Variants in EVI5 observed in about 807,000 individuals in gnomAD.
The protein encoded by EVI5 is ecotropic viral integration site 5.
Under a neutral mutation model 112.0 loss-of-function variants are expected in EVI5, and 73 were observed. The observed-to-expected ratio is 0.65, with a 90% CI of 0.54 to 0.79. The LOEUF is 0.79. EVI5 is among the 30% of genes least tolerant of loss of function. The pLI is 0.00. For missense variants in EVI5, 900 were observed against 968.8 expected, an observed-to-expected ratio of 0.93 and a Z score of 0.94; for synonymous variants, 305 against 319.9, an observed-to-expected ratio of 0.95 and a Z score of 0.50.
At chr1:92,539,790 TCAC>T (rs1664515728) in intron 19 of EVI5, among the ~76,000 whole-genome samples, 2 of 152,208 alleles carry the variant, frequency 1.3e-5, no homozygotes, top group Admixed American at 6.5e-5. Flanking sequence ...TGTGCAACCA[TCAC>T]CACAACCAAT....
intron 19 of EVI5, among the ~76,000 whole-genome samples, chr1:92,517,747 C>G (rs1660152290): frequency 1.3e-5 from 2 of 152,104 alleles, no homozygotes; most frequent in Admixed American, 1.3e-4. Context: ...TGATGCACAT[C>G]TCAGAATAGG....
chr1:92,542,897 A>C (rs1306341394), intron 19 of EVI5, among the ~76,000 whole-genome samples: 1 of 152,148 alleles, frequency 6.6e-6, no homozygotes, highest in African/African-American at 2.4e-5. Context: ...AGTGGGCTTA[A>C]AATATTTATT....
intron 2 of EVI5, among the ~76,000 whole-genome samples, chr1:92,710,108 C>T (rs1161959154): frequency 4.0e-5 from 1 of 25,138 alleles, no homozygotes; most frequent in Non-Finnish European, 8.5e-5. Flanking sequence ...AAAGGGAGGC[C>T]GAGGCAGGTG....
chr1:92,611,864 G>C (rs1651903182), intron 16 of EVI5, among the ~76,000 whole-genome samples: 1 of 151,698 alleles, frequency 6.6e-6, no homozygotes, highest in African/African-American at 2.4e-5. Flanking sequence ...AGATACGATG[G>C]AGCCTATGAA....
intron 1 of EVI5, among the ~76,000 whole-genome samples, chr1:92,748,134 A>C (rs542052457): frequency 6.6e-6 from 1 of 152,286 alleles, no homozygotes; most frequent in Non-Finnish European, 1.5e-5. Flanking sequence ...AGAGTGGTGA[A>C]GTCCACATCC....
chr1:92,610,833 T>C (rs531648978), intron 16 of EVI5, among the ~76,000 whole-genome samples: 1 of 150,938 alleles, frequency 6.6e-6, no homozygotes, highest in Non-Finnish European at 1.5e-5. Context: ...ATGGTAACAG[T>C]TGAGAATTTT....
chr1:92,760,818 A>G (rs1681720193), intron 1 of EVI5, among the ~76,000 whole-genome samples: 1 of 151,534 alleles, frequency 6.6e-6, no homozygotes, highest in African/African-American at 2.4e-5. Context: ...GCACTTTGGG[A>G]GGCCGAGGCG....
chr1:92,555,151 A>G (rs1667490133), intron 19 of EVI5, among the ~76,000 whole-genome samples: 1 of 152,144 alleles, frequency 6.6e-6, no homozygotes, highest in South Asian at 2.1e-4. Context: ...TAAAAACCCT[A>G]TTTACTTGGT....
chr1:92,677,872 A>G (rs192026873), intron 9 of EVI5, among the ~76,000 whole-genome samples: 1 of 152,314 alleles, frequency 6.6e-6, no homozygotes, highest in East Asian at 1.9e-4. Context: ...CTAACTGATT[A>G]AGGTTAACAT....
intron 13 of EVI5, chr1:92,647,738 C>T (rs2102014710): frequency 5.4e-6 from 1 of 184,772 alleles, no homozygotes; most frequent in South Asian, 1.3e-4. Flanking sequence ...AGGTCAATAA[C>T]ATTTTTTGAG....
At chr1:92,537,956 C>A (rs1051163464) in intron 19 of EVI5, among the ~76,000 whole-genome samples, 1 of 151,822 alleles carries the variant, frequency 6.6e-6, no homozygotes, top group East Asian at 1.9e-4. Flanking sequence ...TTAAAGCTGA[C>A]GTTTTTAGAA....
In EVI5 at chr1:92,695,382, C is replaced by T. The variant is rs764626545; in HGVS notation, c.837G>A (p.Trp279Ter). Reference protein sequence around the residue: ...SFHTSMYASSWFLTIFLTTFP... With the variant: ...SFHTSMYASS ...AAGTTGTAAGAAAGATAGTCAGAAA[C>T]CAGGATGATGCATACATTGAGGTAT... Residue 279 changes from tryptophan (W) to a stop codon, truncating the protein, a stop_gained, in exon 7 of 20, where the codon TGG (tryptophan) becomes TGA (stop). Transcript: ENST00000684568. LOFTEE classifies it high-confidence loss of function. 3.1e-6 allele frequency: 5 copies of T among 1,605,476 alleles called. No individual in the cohort carries two copies. The highest frequency in any genetic ancestry group is 4.3e-6 in the Non-Finnish European group (5 of 1,172,528).
At position 92,604,487 on chromosome 1, in the gene EVI5, A is replaced by G. The variant is rs555240387; in HGVS notation, c.2070+820T>C. 1.7e-3 allele frequency among the ~76,000 whole-genome samples: 266 copies of G among 152,350 alleles called. 1 individual carries two copies. Among genetic ancestry groups the G allele is most frequent in the African/African-American group, 5.8e-3 (243 of 41,572 alleles). ...CCACTGGAAGGTCTTCAGGGACAAT[A>G]ACACACATGAAGCTGTCATCTCCTA... On this transcript the variant is annotated intron_variant, in intron 18 of 19. Transcript: ENST00000684568.
chr1:92,763,028 G>A lies in EVI5; in HGVS notation c.-82+21808C>T, dbSNP rs148105188. ...CACCTGTAATCCCAGCACCTTGAAG[G>A]CCAAGGTAGGAGGATCAATCCCTTG... On this transcript the variant is annotated intron_variant, in intron 1 of 19. Transcript: ENST00000684568. 4.5e-4 allele frequency among the ~76,000 whole-genome samples: 69 copies of A among 152,192 alleles called. 2 individuals are homozygous for A. In the East Asian group the frequency reaches 0.012, roughly 26 times the overall value.
chr1:92,706,563 A>G (rs1672003095), intron 2 of EVI5, among the ~76,000 whole-genome samples: 1 of 152,246 alleles, frequency 6.6e-6, no homozygotes, highest in Non-Finnish European at 1.5e-5. Flanking sequence ...GTGTAATCCA[A>G]GTATAGATGA....
intron 2 of EVI5, among the ~76,000 whole-genome samples, chr1:92,718,181 G>C (rs938079313): frequency 1.3e-5 from 2 of 152,010 alleles, no homozygotes; most frequent in South Asian, 2.1e-4. Context: ...CTCAGCTCTC[G>C]AGCAAGCAGA....
chr1:92,694,343 T>C lies in EVI5; in HGVS notation c.955A>G (p.Asn319Asp). The C allele has an allele frequency of 6.2e-7, 1 of 1,607,256 alleles. No homozygotes were observed. Residue 319 changes from asparagine (N) to aspartate (D), a missense_variant, in exon 8 of 20, where the codon AAT (asparagine) becomes GAT (aspartate). By Grantham distance (23) the Asn-to-Asp change is conservative (BLOSUM62 1). Coordinates refer to ENST00000684568, the MANE Select transcript of EVI5 (RefSeq NM_001350197.2). ...TCAAGTTGCATCAGTTCTGCCTGAT[T>C]CATCTGAAGAAGTGCTAATCCTACA... ...FRVGLALLQMNQAELMQLDME... is the reference protein window; with the variant it reads ...FRVGLALLQMDQAELMQLDME...
chr1:92,709,784 T>C (rs1442741895), intron 2 of EVI5, among the ~76,000 whole-genome samples: 3 of 152,098 alleles, frequency 2.0e-5, no homozygotes, highest in African/African-American at 7.2e-5. Context: ...ATAGACTATG[T>C]AGTTAGAATC....
At chr1:92,723,823 C>G (rs1675131551) in intron 2 of EVI5, among the ~76,000 whole-genome samples, 1 of 152,128 alleles carries the variant, frequency 6.6e-6, no homozygotes. Flanking sequence ...ATTTTCCCAG[C>G]AAGGAATAAC....
Sources: allele counts gnomAD v4.1 joint callset (sites outside exome capture counted in the v4.1 genomes callset), GRCh38; gene constraint gnomAD v4.1.1; transcripts MANE v1.5; gene names NCBI Gene and HGNC (gene_info 2026-07-23, HGNC 2026-07-21).